Variants in PTPRD observed in about 807,000 individuals in gnomAD.
The protein encoded by PTPRD is receptor-type tyrosine-protein phosphatase delta.
Under a neutral mutation model 214.5 loss-of-function variants are expected in PTPRD, and 34 were observed. The observed-to-expected ratio is 0.16, with a 90% confidence interval of 0.12 to 0.21. PTPRD has a LOEUF of 0.21. Ranked by LOEUF, PTPRD falls within the 10% of genes least tolerant of loss-of-function variation. The pLI is 1.00. For synonymous variants in PTPRD, 1,128 were observed against 845.7 expected (o/e 1.33, Z -5.79); for missense variants, 2,545 against 2,398.7 (o/e 1.06, Z -1.27).
chr9:9,687,559 A>T (rs2097187470), intron 7 of PTPRD, among the ~76,000 whole-genome samples: 2 of 151,778 alleles, frequency 1.3e-5, no homozygotes, highest in African/African-American at 4.8e-5. Flanking sequence ...ACTTACCTAA[A>T]ATAACTTTTT....
intron 41 of PTPRD, 53 bp downstream of exon 41, chr9:8,341,037 G>A: frequency 6.8e-7 from 1 of 1,474,236 alleles, no homozygotes; most frequent in Non-Finnish European, 9.1e-7. Flanking sequence ...TATTAAACTA[G>A]GGCACATGTA....
intron 6 of PTPRD, among the ~76,000 whole-genome samples, chr9:9,739,566 C>G (rs1249582520): frequency 6.6e-6 from 1 of 151,828 alleles, no homozygotes; most frequent in Admixed American, 6.6e-5. Flanking sequence ...CATTAGCTTT[C>G]CTTGAATCCT....
intron 2 of PTPRD, among the ~76,000 whole-genome samples, chr9:10,542,214 CCTCCTGTCAAT>C (rs141573295): frequency 0.016 from 2,413 of 152,172 alleles, 25 homozygotes; most frequent in Non-Finnish European, 0.025. Context: ...AGAATAGCCT[CCTCCTGTCAAT>C]CTCTGGTAAT....
At chr9:9,557,486 G>A (rs2081834915) in intron 8 of PTPRD, among the ~76,000 whole-genome samples, 1 of 151,860 alleles carries the variant, frequency 6.6e-6, no homozygotes, top group Admixed American at 6.6e-5. Context: ...CTCTCTCTCG[G>A]GAGAAAAAAA....
intron 10 of PTPRD, among the ~76,000 whole-genome samples, chr9:9,115,958 T>C (rs1346154491): frequency 6.6e-6 from 1 of 151,862 alleles, no homozygotes; most frequent in Non-Finnish European, 1.5e-5. Flanking sequence ...CCTAAGATAA[T>C]TAGCACAGGA....
intron 15 of PTPRD, chr9:8,528,203 T>A (rs2074710924): frequency 4.8e-6 from 2 of 413,566 alleles, no homozygotes; most frequent in East Asian, 3.5e-5. Flanking sequence ...AACCATTGGA[T>A]CTCCTTGCAA....
intron 2 of PTPRD, among the ~76,000 whole-genome samples, chr9:10,428,197 T>C (rs1463862789): frequency 6.6e-6 from 1 of 151,892 alleles, no homozygotes; most frequent in Non-Finnish European, 1.5e-5. Flanking sequence ...CTCATGGCTG[T>C]AATCCCAGCT....
chr9:10,564,575 C>A (rs934218824), intron 2 of PTPRD, among the ~76,000 whole-genome samples: 1 of 152,022 alleles, frequency 6.6e-6, no homozygotes, highest in Non-Finnish European at 1.5e-5. Flanking sequence ...TCCTTTAGAG[C>A]ATTTCTAGCC....
At chr9:9,656,031 C>G (rs2154376361) in intron 7 of PTPRD, among the ~76,000 whole-genome samples, 1 of 152,242 alleles carries the variant, frequency 6.6e-6, no homozygotes, top group South Asian at 2.1e-4. Context: ...AGTTGCTCAA[C>G]ATCATATGAC....
rs62534005 is a variant in PTPRD at position 8,372,394 on chromosome 9, T to C, written c.4661+3542A>G. ...ATGCCATGCACTGTCTCAAGTGCTT[T>C]ATATGTATCTATTTTATGTCATCTT... On this transcript the variant is annotated intron_variant, in intron 39 of 45. Coordinates refer to ENST00000381196, the MANE Select transcript of PTPRD (RefSeq NM_002839.4). 6.2e-3 allele frequency among the ~76,000 whole-genome samples: 939 copies of C among 152,194 alleles called. 6 individuals carry two copies. Among genetic ancestry groups the C allele is most frequent in the Admixed American group, 0.013 (199 of 15,264 alleles).
intron 5 of PTPRD, among the ~76,000 whole-genome samples, chr9:9,804,964 A>G (rs1238983648): frequency 2.0e-5 from 3 of 152,150 alleles, no homozygotes; most frequent in Admixed American, 1.3e-4. Context: ...TTTAAAATTT[A>G]CTGATAGTAA....
chr9:9,875,517 C>T lies in PTPRD; in HGVS notation c.-368+62990G>A, dbSNP rs908981095. ...GCCTTCTTATTTTACTTTGCATATG[C>T]TTTACTCTCAGGACCACCAACTTAG... is the stretch of plus-strand genomic sequence containing the variant. On this transcript the variant is annotated intron_variant, in intron 5 of 45. Transcript: ENST00000381196. 5.9e-5 allele frequency among the ~76,000 whole-genome samples: 9 copies of T among 152,184 alleles called. No homozygotes were observed. In the East Asian group the frequency reaches 1.5e-3, roughly 26 times the overall value.
chr9:8,983,090 A>G lies in PTPRD; in HGVS notation c.-104+35607T>C, dbSNP rs559117215. Among the ~76,000 whole-genome samples the G allele has an allele frequency of 8.5e-5, 13 of 152,152 alleles. No individual in the cohort carries two copies. In the South Asian group the frequency reaches 2.7e-3, roughly 32 times the overall value. ...GATACACTTTTTCTTTTTTTCATAA[A>G]TCATTTTTTCTTTAGTCTGTTTTCA... On this transcript the variant is annotated intron_variant, in intron 11 of 45. Transcript: ENST00000381196.
Position 9,927,607 on chromosome 9 carries a change from C to T in PTPRD, c.-368+10900G>A, listed in dbSNP as rs570342703. On this transcript the variant is annotated intron_variant, in intron 5 of 45. Coordinates refer to ENST00000381196, the MANE Select transcript of PTPRD (RefSeq NM_002839.4). ...AATAGTATAGTTATGTAAAGGAATGCGTGTGTGTACATAATAACATACTAT... is the reference window on the plus strand; with the variant it reads ...AATAGTATAGTTATGTAAAGGAATGTGTGTGTGTACATAATAACATACTAT... Among the ~76,000 whole-genome samples, 7 of 152,222 alleles carry T rather than the reference C, an allele frequency of 4.6e-5. 1 individual carries two copies. The South Asian group carries it at 1.4e-3, about 32-fold the overall frequency.
chr9:10,049,407 A>AGAAAG lies in PTPRD; in HGVS notation c.-544-15618_-544-15617insCTTTC, dbSNP rs1266009020. 1.0e-3 allele frequency among the ~76,000 whole-genome samples: 118 copies of AGAAAG among 115,726 alleles called. 2 individuals carry two copies. The highest frequency in any genetic ancestry group is 1.1e-3 in the Non-Finnish European group (64 of 57,832). The allele number at this position is 115,726 out of a possible 152,430, so 75.9% of individuals were successfully genotyped here. A position where few individuals can be genotyped will look rare whatever the true frequency, so the allele number is the denominator to read the frequency against. ...AAGCAGCTTCTCTGGTTAAAAAAAA[A>AGAAAG]AAAGAAAGAAAGAAAGAAAGAAAGA... On this transcript the variant is annotated intron_variant, in intron 3 of 45. Transcript: ENST00000381196.
intron 3 of PTPRD, among the ~76,000 whole-genome samples, chr9:10,333,202 T>A (rs1428795247): frequency 6.6e-6 from 1 of 151,750 alleles, no homozygotes; most frequent in Non-Finnish European, 1.5e-5. Flanking sequence ...CTCCGATTAG[T>A]GCAGTTTGCC....
intron 9 of PTPRD, among the ~76,000 whole-genome samples, chr9:9,257,397 C>T (rs2099978210): frequency 6.6e-6 from 1 of 151,902 alleles, no homozygotes; most frequent in Non-Finnish European, 1.5e-5. Flanking sequence ...GCTTCCATGT[C>T]CCAACCCCAA....
intron 3 of PTPRD, among the ~76,000 whole-genome samples, chr9:10,141,357 G>T (rs961748054): frequency 6.7e-4 from 102 of 152,192 alleles, no homozygotes; most frequent in African/African-American, 2.2e-3. Flanking sequence ...AAACCCCATT[G>T]TCTCAGCCCA....
At chr9:9,514,809 T>G (rs541415555) in intron 8 of PTPRD, among the ~76,000 whole-genome samples, 2 of 152,038 alleles carry the variant, frequency 1.3e-5, no homozygotes, top group South Asian at 4.1e-4. Flanking sequence ...CAACTGCCTT[T>G]GCAGCACCGT....
Sources: allele counts gnomAD v4.1 joint callset (sites outside exome capture counted in the v4.1 genomes callset), GRCh38; gene constraint gnomAD v4.1.1; transcripts MANE v1.5; gene names NCBI Gene and HGNC (gene_info 2026-07-23, HGNC 2026-07-21).